Variants in GMDS observed in about 807,000 individuals in gnomAD.
The protein encoded by GMDS is GDP-mannose 4,6 dehydratase.
A neutral mutation model predicts 49.9 loss-of-function variants in GMDS; 20 were observed. The ratio of observed to expected loss-of-function variants is 0.40; its 90% CI spans 0.28 to 0.58. The LOEUF (loss-of-function observed/expected upper bound fraction) is 0.58, where lower values mean the gene tolerates loss of function less well. GMDS is among the 20% of genes least tolerant of loss of function. The pLI is 0.42. For synonymous variants in GMDS, 177 were observed against 178.6 expected, an observed-to-expected ratio of 0.99 and a Z score of 0.07; for missense variants, 362 against 481.4, an observed-to-expected ratio of 0.75 and a Z score of 2.32.
chr6:2,047,228 C>G lies in GMDS; in HGVS notation c.345+68543G>C, dbSNP rs183128103. On this transcript the variant is annotated intron_variant, in intron 4 of 10. Coordinates refer to ENST00000380815, the MANE Select transcript of GMDS (RefSeq NM_001500.4). ...ATCCACTGGAACACAAATCTTTTGG[C>G]CATTCTCTTTGTACTGCCCTGCATA... is the stretch of plus-strand genomic sequence containing the variant. 5.5e-4 allele frequency among the ~76,000 whole-genome samples: 83 copies of G among 152,280 alleles called. 1 individual carries two copies. Among genetic ancestry groups the G allele is most frequent in the East Asian group, 1.9e-3 (10 of 5,180 alleles).
intron 1 of GMDS, among the ~76,000 whole-genome samples, chr6:2,212,707 T>TAAA (rs35503764): frequency 0.014 from 1,612 of 113,522 alleles, 26 homozygotes; most frequent in African/African-American, 0.035. Flanking sequence ...GATTAACTTG[T>TAAA]AAAAAAAAAA....
intron 1 of GMDS, among the ~76,000 whole-genome samples, chr6:2,181,174 C>CAAAAA (rs755377915): frequency 9.7e-5 from 5 of 51,288 alleles, no homozygotes; most frequent in African/African-American, 3.1e-4. Context: ...GACTCCATCT[C>CAAAAA]AAAAAAAAAA....
At chr6:1,936,109 T>C (rs1762517894) in intron 6 of GMDS, among the ~76,000 whole-genome samples, 1 of 152,162 alleles carries the variant, frequency 6.6e-6, no homozygotes, top group South Asian at 2.1e-4. Context: ...CACACTATGT[T>C]AGTTATGCAT....
chr6:2,128,238 A>G (rs9501808), intron 1 of GMDS, among the ~76,000 whole-genome samples: 16,406 of 150,952 alleles, frequency 0.11, 2,974 homozygotes, highest in African/African-American at 0.38. Context: ...GCGATAGTGC[A>G]ATCTCGGCTC....
intron 7 of GMDS, among the ~76,000 whole-genome samples, chr6:1,853,698 AGAAAAGT>A (rs1757816297): frequency 6.6e-6 from 1 of 152,220 alleles, no homozygotes; most frequent in Admixed American, 6.5e-5. Context: ...GTTATCCAAC[AGAAAAGT>A]GATTAGCTAT....
chr6:1,916,511 G>A (rs1360007930), intron 7 of GMDS, among the ~76,000 whole-genome samples: 8 of 151,996 alleles, frequency 5.3e-5, no homozygotes, highest in Non-Finnish European at 1.2e-4. Flanking sequence ...GAGAGGTAGG[G>A]ATGAACAGAG....
intron 4 of GMDS, among the ~76,000 whole-genome samples, chr6:1,965,440 AG>A (rs993770821): frequency 6.6e-6 from 1 of 152,228 alleles, no homozygotes; most frequent in African/African-American, 2.4e-5. Context: ...TTGGTTACAA[AG>A]TGTTTTACAA....
At chr6:1,967,647 G>A (rs1050692367) in intron 4 of GMDS, among the ~76,000 whole-genome samples, 9 of 152,202 alleles carry the variant, frequency 5.9e-5, no homozygotes, top group Non-Finnish European at 1.0e-4. Context: ...CAGGCAGGAG[G>A]AGATAGTTAG....
chr6:2,213,283 T>TG (rs1780158405), intron 1 of GMDS, among the ~76,000 whole-genome samples: 1 of 152,116 alleles, frequency 6.6e-6, no homozygotes, highest in African/African-American at 2.4e-5. Context: ...AACCTGGCAG[T>TG]GGGGGTGGAC....
At chr6:1,890,559 C>T (rs117122268) in intron 7 of GMDS, among the ~76,000 whole-genome samples, 5 of 152,054 alleles carry the variant, frequency 3.3e-5, no homozygotes, top group Non-Finnish European at 5.9e-5. Context: ...GCTATCAGAA[C>T]AGTTTTTAAC....
chr6:2,241,465 G>T (rs186838236), intron 1 of GMDS, among the ~76,000 whole-genome samples: 284 of 152,244 alleles, frequency 1.9e-3, no homozygotes, highest in African/African-American at 6.6e-3. Context: ...CCATGGTTTG[G>T]ATCTTTGACC....
At chr6:2,019,050 C>T (rs2127403629) in intron 4 of GMDS, among the ~76,000 whole-genome samples, 1 of 151,872 alleles carries the variant, frequency 6.6e-6, no homozygotes, top group Admixed American at 6.6e-5. Context: ...TGTCACCTCA[C>T]TGTGGTCTTG....
intron 4 of GMDS, among the ~76,000 whole-genome samples, chr6:2,075,047 T>C (rs1772247629): frequency 6.6e-6 from 1 of 152,228 alleles, no homozygotes; most frequent in African/African-American, 2.4e-5. Flanking sequence ...TACTATAGTC[T>C]TGAAATATAT....
At position 1,874,050 on chromosome 6, in the gene GMDS, C is replaced by T. The variant is rs7747565; in HGVS notation, c.771+56053G>A. 5.9e-3 allele frequency among the ~76,000 whole-genome samples: 906 copies of T among 152,316 alleles called. 9 individuals are homozygous for T. The highest frequency in any genetic ancestry group is 0.02 in the African/African-American group (851 of 41,572). On this transcript the variant is annotated intron_variant, in intron 7 of 10. Transcript: ENST00000380815. ...GTGGGAGGAAGGGTGACCACTGCCT[C>T]GAACAGGGCACCGGCCTCCAGAGAC...
intron 9 of GMDS, among the ~76,000 whole-genome samples, chr6:1,685,018 C>CT (rs113234098): frequency 0.52 from 77,142 of 149,632 alleles, 20,172 homozygotes; most frequent in Middle Eastern, 0.67. Context: ...TCTCCCCCCC[C>CT]TTTTTTTTTA....
chr6:1,825,582 G>A (rs1333743795), intron 7 of GMDS, among the ~76,000 whole-genome samples: 1 of 152,114 alleles, frequency 6.6e-6, no homozygotes, highest in Non-Finnish European at 1.5e-5. Context: ...TATACAACTA[G>A]GCCATATAGT....
chr6:1,667,594 T>C (rs1384605787), intron 9 of GMDS, among the ~76,000 whole-genome samples: 3 of 152,130 alleles, frequency 2.0e-5, no homozygotes, highest in Admixed American at 6.5e-5. Context: ...CATATGAACA[T>C]GCTGAAAGAA....
At chr6:2,076,842 T>C (rs1177222152) in intron 4 of GMDS, among the ~76,000 whole-genome samples, 1 of 152,218 alleles carries the variant, frequency 6.6e-6, no homozygotes, top group Non-Finnish European at 1.5e-5. Flanking sequence ...ATTCAGGACA[T>C]ACGCATGGGC....
chr6:1,957,483 C>T (rs561551063), intron 6 of GMDS, among the ~76,000 whole-genome samples: 7 of 152,288 alleles, frequency 4.6e-5, no homozygotes, highest in African/African-American at 1.4e-4. Flanking sequence ...ATCATTTTCA[C>T]GTACATCTCT....
Sources: allele counts gnomAD v4.1 joint callset (sites outside exome capture counted in the v4.1 genomes callset), GRCh38; gene constraint gnomAD v4.1.1; transcripts MANE v1.5; gene names NCBI Gene and HGNC (gene_info 2026-07-23, HGNC 2026-07-21).